Variants in MYH2 observed in about 807,000 individuals in gnomAD.
The protein encoded by MYH2 is myosin-2.
Under a neutral mutation model 228.1 loss-of-function variants are expected in MYH2, and 139 were observed. That is an observed-to-expected ratio of 0.61 (90% CI 0.53 to 0.70). The LOEUF is 0.70. Among genes scored for constraint, MYH2 ranks in the 30% least tolerant of loss-of-function variants. MYH2 has a pLI of 0.00. For missense variants in MYH2, 1,809 were observed against 2,357.5 expected, an observed-to-expected ratio of 0.77 and a Z score of 4.82; for synonymous variants, 796 against 871.1, an observed-to-expected ratio of 0.91 and a Z score of 1.52.
intron 21 of MYH2, among the ~76,000 whole-genome samples, chr17:10,532,506 T>C (rs8067823): frequency 0.35 from 53,919 of 152,070 alleles, 10,528 homozygotes; most frequent in East Asian, 0.8. Flanking sequence ...TACCCAAATA[T>C]ATATATATCG....
chr17:10,534,994 T>C lies in MYH2; in HGVS notation c.2180+79A>G, dbSNP rs2073466678. 2.7e-6 allele frequency: 4 copies of C among 1,468,084 alleles called. No individual in the cohort carries two copies. The Admixed American group carries it at 5.0e-5, about 18-fold the overall frequency. 90.9% of individuals were successfully genotyped at this position (1,468,084 alleles called of 1,614,324 possible). On this transcript the variant is annotated intron_variant, in intron 19 of 39. Transcript: ENST00000245503. The stretch of plus-strand genomic sequence containing the variant: ...GACAAAACTAACAAGTAGAGGCATA[T>C]GTTTCACTAAATTGTTTTGCTTGCA...
chr17:10,534,011 T>A (rs1427604043), intron 19 of MYH2, among the ~76,000 whole-genome samples: 2 of 152,258 alleles, frequency 1.3e-5, no homozygotes, highest in Non-Finnish European at 2.9e-5. Context: ...GACAGTACAC[T>A]TTAGGTATTC....
intron 16 of MYH2, 125 bp from the exon 17 acceptor site, chr17:10,536,731 C>T: frequency 1.2e-6 from 1 of 826,524 alleles, no homozygotes; most frequent in Admixed American, 2.2e-5. Context: ...CTGATTGAGC[C>T]TGAATGAATC....
Position 10,530,047 on chromosome 17 carries a change from C to A in MYH2, c.2725G>T (p.Glu909Ter), listed in dbSNP as rs780124402. ...AEAEGLADAE[E>*]RCDQLIKTKI... ...GTTTTGATTAGCTGGTCACACCTTT[C>A]CTCTGCATCAGCCAAGCCTTCGGCT... Residue 909 changes from glutamate to a stop codon, truncating the protein, a stop_gained, in exon 23 of 40, where the codon GAA becomes TAA. Transcript: ENST00000245503. LOFTEE classifies it high-confidence loss of function. 7.4e-6 allele frequency: 12 copies of A among 1,614,112 alleles called. No individual in the cohort carries two copies. In the Admixed American group the frequency reaches 1.8e-4, roughly 25 times the overall value.
chr17:10,534,950 T>A, intron 19 of MYH2, 123 bp downstream of exon 19: 1 of 1,242,210 alleles, frequency 8.1e-7, no homozygotes, highest in Non-Finnish European at 1.2e-6. Flanking sequence ...AGACTTGTAA[T>A]TTTTTTACTT....
At chr17:10,546,288 T>TATATAC (rs1384958740) in intron 4 of MYH2, among the ~76,000 whole-genome samples, 5 of 136,960 alleles carry the variant, frequency 3.7e-5, no homozygotes, top group South Asian at 2.4e-4. Context: ...TATATATATA[T>TATATAC]ACATCATGAT....
chr17:10,526,658 T>C lies in MYH2; in HGVS notation c.4128A>G (p.Gln1376=), dbSNP rs369823867. Residue 1376 remains glutamine, a synonymous_variant, in exon 30 of 40, where the codon CAA becomes CAG. Coordinates refer to ENST00000245503, the MANE Select transcript of MYH2 (RefSeq NM_017534.6). ...CGTCCGTCTCGTATTTGGTCCTCCATTGGGCAACCTCGGTGTTGGCCTTGG... is the reference window on the plus strand; with the variant it reads ...CGTCCGTCTCGTATTTGGTCCTCCACTGGGCAACCTCGGTGTTGGCCTTGG... The part of the protein sequence containing the change: ...ALSKANTEVA[Q]WRTKYETDAI... 48 of 1,613,908 alleles carry C rather than the reference T, an allele frequency of 3.0e-5. No individual in the cohort carries two copies. Among genetic ancestry groups the C allele is most frequent in the African/African-American group, 1.1e-4 (8 of 74,932 alleles).
At position 10,530,219 on chromosome 17, in the gene MYH2, C is replaced by T. The variant is rs1020387493; in HGVS notation, c.2698-145G>A. 21 of 1,351,404 alleles carry T rather than the reference C, an allele frequency of 1.6e-5. No individual in the cohort carries two copies. The Admixed American group carries it at 2.4e-4, about 16-fold the overall frequency. 83.7% of individuals were successfully genotyped at this position (1,351,404 alleles called of 1,614,324 possible). On this transcript the variant is annotated intron_variant, in intron 22 of 39. Coordinates refer to ENST00000245503, the MANE Select transcript of MYH2 (RefSeq NM_017534.6). The stretch of plus-strand genomic sequence containing the variant: ...ACAAATTTTTGTTTCATGAACCACC[C>T]TACTGTGTACATTTTCCACATGTGG...
Position 10,539,997 on chromosome 17 carries a change from T to A in MYH2, c.1078A>T (p.Met360Leu), listed in dbSNP as rs201434968. The A allele has an allele frequency of 1.2e-6, 2 of 1,614,082 alleles. No homozygotes were observed. Among genetic ancestry groups the A allele is most frequent in the Non-Finnish European group, 8.5e-7 (1 of 1,179,992 alleles). ...VSIYKLTGAV[M>L]HYGNLKFKQK... ...TTAAATTTTAGGTTCCCATAATGCATCACAGCCCCCGTGAGCTTGTAAATG... is the reference window on the plus strand; with the variant it reads ...TTAAATTTTAGGTTCCCATAATGCAACACAGCCCCCGTGAGCTTGTAAATG... Residue 360 changes from methionine to leucine, a missense_variant, in exon 12 of 40, where the codon ATG (methionine) becomes TTG (leucine). Transcript: ENST00000245503.
intron 10 of MYH2, among the ~76,000 whole-genome samples, chr17:10,542,436 A>G (rs954139627): frequency 6.6e-6 from 1 of 152,230 alleles, no homozygotes; most frequent in African/African-American, 2.4e-5. Context: ...TATTTCTAGA[A>G]TAGAACACTA....
chr17:10,544,449 C>G lies in MYH2; in HGVS notation c.506-322G>C, dbSNP rs927313432. Among the ~76,000 whole-genome samples, 8 of 152,298 alleles carry G rather than the reference C, an allele frequency of 5.3e-5. No homozygotes were observed. In the East Asian group the frequency reaches 1.5e-3, roughly 29 times the overall value. On this transcript the variant is annotated intron_variant, in intron 5 of 39. Coordinates refer to ENST00000245503, the MANE Select transcript of MYH2 (RefSeq NM_017534.6). Reference sequence around the variant, plus strand: ...CACGTGGCTGTGTATTCCTGAAGCACCAGACTTTTTCTTTTTAATACTCTA... The same window carrying G: ...CACGTGGCTGTGTATTCCTGAAGCAGCAGACTTTTTCTTTTTAATACTCTA...
In MYH2 at chr17:10,531,644, G is replaced by A; in HGVS notation, c.2686C>T (p.Gln896Ter). 6.2e-7 allele frequency: 1 copy of A among 1,614,148 alleles called. No individual in the cohort carries two copies. The highest frequency in any genetic ancestry group is 8.5e-7 in the Non-Finnish European group (1 of 1,180,040). Residue 896 changes from glutamine to a stop codon, truncating the protein, a stop_gained, in exon 22 of 40, where the codon CAA (glutamine) becomes TAA (stop). Transcript: ENST00000245503. LOFTEE classifies it high-confidence loss of function. ...ATATTCCAACTCACAGCCTGAACTTGGAGCTGCAAGTCATTTTTTTCTTTC... is the reference window on the plus strand; with the variant it reads ...ATATTCCAACTCACAGCCTGAACTTAGAGCTGCAAGTCATTTTTTTCTTTC... The part of the protein sequence containing the change: ...LLKEKNDLQL[Q>*]VQAEAEGLAD...
In MYH2 at chr17:10,537,265, TGAGCTA is replaced by T. The variant is rs1173373141; in HGVS notation, c.1859_1864del (p.Leu620_Ala621del). The T allele has an allele frequency of 6.2e-7, 1 of 1,614,256 alleles. No homozygotes were observed. Among genetic ancestry groups the T allele is most frequent in the Non-Finnish European group, 8.5e-7 (1 of 1,180,040 alleles). On this transcript the variant is annotated inframe_deletion, in exon 16 of 40. Transcript: ENST00000245503. The surrounding 1 kb of genome is among the most constrained non-coding windows in gnomAD (Gnocchi z 4.0). Reference sequence around the variant, plus strand: ...AGCAGTTTGAGCCCCAGAGAAGAGCTGAGCTAGAGTTTTCATTGCAGACTTCTGGTA... The same window carrying T: ...AGCAGTTTGAGCCCCAGAGAAGAGCTGAGTTTTCATTGCAGACTTCTGGTA...
Position 10,537,145 on chromosome 17 carries a change from CCTTCTGCCAGACCTAAGAGATCACTAG to C in MYH2, c.1897+61_1897+87del. The stretch of plus-strand genomic sequence containing the variant: ...AGGAACCAGGGGCTTGGTCTGCAAC[CCTTCTGCCAGACCTAAGAGATCACTAG>C]CTTCAATTTAACATCACATTTTGTA... On this transcript the variant is annotated intron_variant, in intron 16 of 39. Coordinates refer to ENST00000245503, the MANE Select transcript of MYH2 (RefSeq NM_017534.6). This position sits in a 1 kb window ranked among gnomAD's most constrained non-coding sequence, Gnocchi z 4.0. 6.4e-7 allele frequency: 1 copy of C among 1,558,808 alleles called. No homozygotes were observed. The highest frequency in any genetic ancestry group is 1.1e-5 in the South Asian group (1 of 89,846).
chr17:10,530,904 GA>G (rs1567730933), intron 22 of MYH2, among the ~76,000 whole-genome samples: 1 of 152,098 alleles, frequency 6.6e-6, no homozygotes, highest in South Asian at 2.1e-4. Flanking sequence ...AGTCTTAACA[GA>G]AAAAAATATG....
At chr17:10,541,284 T>C (rs2073550489) in intron 10 of MYH2, among the ~76,000 whole-genome samples, 1 of 152,198 alleles carries the variant, frequency 6.6e-6, no homozygotes, top group South Asian at 2.1e-4. Flanking sequence ...ATTCTTTTTC[T>C]CAGCAAGGAA....
rs755776701 is a variant in MYH2, at chr17:10,524,488, C to T, written c.5153G>A (p.Arg1718His). The T allele has an allele frequency of 1.2e-5, 20 of 1,614,060 alleles. No individual in the cohort carries two copies. The highest frequency in any genetic ancestry group is 1.7e-5 in the Non-Finnish European group (20 of 1,180,046). ...CACCTGGGTGTGCAGTAGCTGAACACGCTCACTGGCATCCAGGAGCTCCTG... is the reference window on the plus strand; with the variant it reads ...CACCTGGGTGTGCAGTAGCTGAACATGCTCACTGGCATCCAGGAGCTCCTG... ...AEQELLDASE[R>H]VQLLHTQNTS... The change falls in exon 35 of 40, where the codon CGT becomes CAT. Residue 1718 changes from arginine to histidine, a missense_variant. By Grantham distance (29) the Arg-to-His change is conservative. Transcript: ENST00000245503. The surrounding 1 kb of genome is among the most constrained non-coding windows in gnomAD (Gnocchi z 4.7).
chr17:10,549,130 C>G (rs1026878114), intron 2 of MYH2, among the ~76,000 whole-genome samples: 1 of 152,018 alleles, frequency 6.6e-6, no homozygotes, highest in Non-Finnish European at 1.5e-5. Context: ...TTTTCCTGCA[C>G]AGACAATATA....
intron 21 of MYH2, 128 bp from the exon 22 acceptor site, chr17:10,532,016 T>C (rs1490807240): frequency 1.8e-5 from 22 of 1,200,468 alleles, no homozygotes; most frequent in Middle Eastern, 1.9e-4. Flanking sequence ...ATGAAAAAAT[T>C]CTATTTCGGG....
Sources: gnomAD v4.1 joint callset for allele counts (sites outside exome capture counted in the v4.1 genomes callset) on GRCh38, gnomAD v4.1.1 for gene constraint, Gnocchi (gnomAD v3.1) non-coding constraint, MANE v1.5 for transcripts, NCBI Gene and HGNC (gene_info 2026-07-23, HGNC 2026-07-21) for gene names.